KIAA1614: variants seen among roughly 807,000 people sequenced by gnomAD.
KIAA1614 encodes the protein KIAA1614.
KIAA1614 carries 76 observed loss-of-function variants against 88.7 expected under a neutral mutation model. The ratio of observed to expected loss-of-function variants is 0.86; its 90% CI spans 0.71 to 1.04. The LOEUF is 1.04. Among genes scored for constraint, KIAA1614 ranks in the 50% least tolerant of loss-of-function variants. The pLI is 0.00. For missense variants in KIAA1614, 1,553 were observed against 1,582.5 expected, an observed-to-expected ratio of 0.98 and a Z score of 0.32; for synonymous variants, 714 against 675.5, an observed-to-expected ratio of 1.06 and a Z score of -0.88.
intron 8 of KIAA1614, 56 bp from the exon 9 acceptor site, chr1:180,945,247 G>A: frequency 6.5e-7 from 1 of 1,535,954 alleles, no homozygotes; most frequent in Non-Finnish European, 8.7e-7. Context: ...CCAGGGAAGA[G>A]CTGTGCCCAG....
chr1:180,913,713 C>G (rs1024051318), intron 1 of KIAA1614: 1 of 155,734 alleles, frequency 6.4e-6, no homozygotes, highest in Admixed American at 6.5e-5. Flanking sequence ...CAACCTCGAC[C>G]TCCCGGGCTC....
chr1:180,930,519 T>C (rs1356130585), intron 4 of KIAA1614, among the ~76,000 whole-genome samples: 1 of 152,198 alleles, frequency 6.6e-6, no homozygotes, highest in Non-Finnish European at 1.5e-5. Flanking sequence ...CAAGCAACTC[T>C]CCTGTTCTAC....
In KIAA1614 at chr1:180,941,200, G is replaced by A. The variant is rs1164079808; in HGVS notation, c.3074G>A (p.Arg1025His). 6.2e-7 allele frequency: 1 copy of A among 1,613,836 alleles called. No individual in the cohort carries two copies. The highest frequency in any genetic ancestry group is 1.3e-5 in the African/African-American group (1 of 75,024). The change falls in exon 7 of 9, where the codon CGC becomes CAC. Residue 1025 changes from arginine to histidine, a missense_variant. Coordinates refer to ENST00000367588, the MANE Select transcript of KIAA1614 (RefSeq NM_020950.2). ...QSSRPKLGKS[R>H]SYSVEQLQPA... ...TCCCGGCCCAAGCTGGGCAAGTCCC[G>A]CAGCTACAGTGTGGAGCAGTTGCAG...
chr1:180,941,004 C>CGGG, intron 6 of KIAA1614, 41 bp from the exon 7 acceptor site: 9 of 915,332 alleles, frequency 9.8e-6, no homozygotes, highest in East Asian at 3.2e-5. Context: ...GCCACCCTCC[C>CGGG]GGCCCTCCCC....
At chr1:180,940,889 T>C (rs1274082384) in intron 6 of KIAA1614, among the ~76,000 whole-genome samples, 156 bp from the exon 7 acceptor site, 2 of 151,806 alleles carry the variant, frequency 1.3e-5, no homozygotes, top group East Asian at 3.9e-4. Context: ...CACTTGGCCT[T>C]TCTTTCTACA....
At chr1:180,917,746 G>A in intron 2 of KIAA1614, 105 bp from the exon 3 acceptor site, 1 of 911,320 alleles carries the variant, frequency 1.1e-6, no homozygotes, top group South Asian at 1.3e-5. Flanking sequence ...TATCTGGGGA[G>A]TAAGTTGCTT....
rs1654618422 is a variant in KIAA1614, at chr1:180,947,311, A to AG, written c.*1726dup. 6.6e-6 allele frequency: 1 copy of AG among 152,310 alleles called. No homozygotes were observed. Among genetic ancestry groups the AG allele is most frequent in the African/African-American group, 2.4e-5 (1 of 41,452 alleles). The allele number at this position is 152,310 out of a possible 1,614,324, so 9.4% of individuals were successfully genotyped here. On this transcript the variant is annotated 3_prime_UTR_variant, in exon 9 of 9. Coordinates refer to ENST00000367588, the MANE Select transcript of KIAA1614 (RefSeq NM_020950.2). ...TGCCGAATGAGATGGGAGCCACTAG[A>AG]GGGCTCGGAGCGAGCACTGAGACTC... is the stretch of plus-strand genomic sequence containing the variant.
chr1:180,935,431 G>A lies in KIAA1614; in HGVS notation c.1522G>A (p.Gly508Arg), dbSNP rs772575286. ...CGGGGCTCCCCGGCTCCGGGACGCG[G>A]GGCAGGGGACATTCCACAGGCTTGT... The part of the protein sequence containing the change: ...INGAPRLRDA[G>R]QGTFHRLVGS... The change falls in exon 5 of 9, where the codon GGG becomes AGG. Residue 508 changes from glycine (G) to arginine (R), a missense_variant. Gly to Arg is a moderately radical substitution (Grantham distance 125). Coordinates refer to ENST00000367588, the MANE Select transcript of KIAA1614 (RefSeq NM_020950.2). This position sits in a 1 kb window ranked among gnomAD's most constrained non-coding sequence, Gnocchi z 6.1. 3.4e-5 allele frequency: 51 copies of A among 1,478,334 alleles called. No individual in the cohort carries two copies. The African/African-American group carries it at 7.0e-4, about 20-fold the overall frequency. 91.6% of individuals were successfully genotyped at this position (1,478,334 alleles called of 1,614,324 possible). A position where few individuals can be genotyped will look rare whatever the true frequency, so the allele number is the denominator to read the frequency against.
intron 3 of KIAA1614, among the ~76,000 whole-genome samples, chr1:180,919,258 G>T (rs1047709416): frequency 6.6e-6 from 1 of 152,142 alleles, no homozygotes; most frequent in Non-Finnish European, 1.5e-5. Flanking sequence ...TGGAGAGGGG[G>T]ATGTCTGGCT....
chr1:180,917,704 C>G, intron 2 of KIAA1614, 147 bp from the exon 3 acceptor site: 1 of 686,044 alleles, frequency 1.5e-6, no homozygotes, highest in Non-Finnish European at 2.6e-6. Context: ...GTGACAGGCT[C>G]AGCCTCCAAT....
intron 3 of KIAA1614, among the ~76,000 whole-genome samples, chr1:180,921,381 C>T (rs1653949712): frequency 6.6e-6 from 1 of 152,170 alleles, no homozygotes; most frequent in Non-Finnish European, 1.5e-5. Context: ...ACAGGGGATA[C>T]GATGGCTTAG....
chr1:180,929,295 G>A (rs1264969137), intron 4 of KIAA1614, among the ~76,000 whole-genome samples: 2 of 152,196 alleles, frequency 1.3e-5, no homozygotes, highest in Non-Finnish European at 1.5e-5. Flanking sequence ...TTGTTGCAGG[G>A]GTGTGGGAGG....
At position 180,938,835 on chromosome 1, in the gene KIAA1614, C is replaced by T. The variant is rs1654391378; in HGVS notation, c.2918+124C>T. Reference sequence around the variant, plus strand: ...CCTGCCCCTAGTCTTCAGAGGATCCCTAGACTGTGAACAAGCCTGGCAGCC... The same window carrying T: ...CCTGCCCCTAGTCTTCAGAGGATCCTTAGACTGTGAACAAGCCTGGCAGCC... On this transcript the variant is annotated intron_variant, in intron 6 of 8. Transcript: ENST00000367588. The T allele has an allele frequency of 5.9e-6, 5 of 851,932 alleles. No individual in the cohort carries two copies. The South Asian group carries it at 7.3e-5, about 12-fold the overall frequency. 52.8% of individuals were successfully genotyped at this position (851,932 alleles called of 1,614,324 possible). A position where few individuals can be genotyped will look rare whatever the true frequency, so the allele number is the denominator to read the frequency against.
Position 180,951,273 on chromosome 1 carries a change from G to T in KIAA1614, c.*5685G>T, listed in dbSNP as rs1654721136. On this transcript the variant is annotated 3_prime_UTR_variant, in exon 9 of 9. Coordinates refer to ENST00000367588, the MANE Select transcript of KIAA1614 (RefSeq NM_020950.2). ...TGTGGTAGCCAGGATCCAGCTAGTG[G>T]GACCGGCCAGACCAGCCCCATGCCA... 6.6e-6 allele frequency: 1 copy of T among 152,260 alleles called. No homozygotes were observed. The highest frequency in any genetic ancestry group is 2.1e-4 in the South Asian group (1 of 4,822). 9.4% of individuals were successfully genotyped at this position (152,260 alleles called of 1,614,324 possible).
chr1:180,936,170 C>T lies in KIAA1614; in HGVS notation c.2261C>T (p.Thr754Met), dbSNP rs755711050. 15 of 1,614,086 alleles carry T rather than the reference C, an allele frequency of 9.3e-6. No individual in the cohort carries two copies. The highest frequency in any genetic ancestry group is 5.3e-5 in the African/African-American group (4 of 74,940). The change falls in exon 5 of 9, where the codon ACG becomes ATG. Residue 754 changes from threonine (T) to methionine (M), a missense_variant. Coordinates refer to ENST00000367588, the MANE Select transcript of KIAA1614 (RefSeq NM_020950.2). Reference sequence around the variant, plus strand: ...GCCTATGCCACCACCGCCCCCATGACGCCTGAATCATCGGGGCCAGGAGGC... The same window carrying T: ...GCCTATGCCACCACCGCCCCCATGATGCCTGAATCATCGGGGCCAGGAGGC... ...RTAYATTAPM[T>M]PESSGPGGQA...
chr1:180,945,565 G>C lies in KIAA1614; in HGVS notation c.3550G>C (p.Glu1184Gln). ...AGGCAGGGCCTTCTGGCTGTGGTCA[G>C]AGGCTTTTCTGGTCTTTGGCTGAGC... Reference protein sequence around the residue: ...KQGRAFWLWSEAFLVFG With the variant: ...KQGRAFWLWSQAFLVFG The change falls in exon 9 of 9, where the codon GAG becomes CAG. Residue 1184 changes from glutamate to glutamine, a missense_variant. Coordinates refer to ENST00000367588, the MANE Select transcript of KIAA1614 (RefSeq NM_020950.2). 1 of 1,612,684 alleles carries C rather than the reference G, an allele frequency of 6.2e-7. No individual in the cohort carries two copies. Among genetic ancestry groups the C allele is most frequent in the Admixed American group, 1.7e-5 (1 of 59,704 alleles).
In KIAA1614 at chr1:180,946,461, G is replaced by A. The variant is rs1379007267; in HGVS notation, c.*873G>A. On this transcript the variant is annotated 3_prime_UTR_variant, in exon 9 of 9. Transcript: ENST00000367588. ...CAGTTCTCAGTTCCACCCCATCCATGAGTCTTTCAGGGCAACGTGACTTGC... is the reference window on the plus strand; with the variant it reads ...CAGTTCTCAGTTCCACCCCATCCATAAGTCTTTCAGGGCAACGTGACTTGC... 6.6e-6 allele frequency: 1 copy of A among 152,206 alleles called. No individual in the cohort carries two copies. The highest frequency in any genetic ancestry group is 1.5e-5 in the Non-Finnish European group (1 of 68,068). 9.4% of individuals were successfully genotyped at this position (152,206 alleles called of 1,614,324 possible). A position where few individuals can be genotyped will look rare whatever the true frequency, so the allele number is the denominator to read the frequency against.
chr1:180,934,292 G>A (rs1018783522), intron 4 of KIAA1614, among the ~76,000 whole-genome samples: 11 of 145,660 alleles, frequency 7.6e-5, no homozygotes, highest in African/African-American at 2.6e-4. Flanking sequence ...AAAAGAAAAA[G>A]AAACCCTGAC....
In KIAA1614 at chr1:180,928,670, C is replaced by T. The variant is rs577764440; in HGVS notation, c.1205+97C>T. On this transcript the variant is annotated intron_variant, in intron 4 of 8. Transcript: ENST00000367588. The stretch of plus-strand genomic sequence containing the variant: ...GATCTAGCCAAATGCTGCTGCTGCT[C>T]GCTCCATGTGTGTGTGTGTCTGTGT... The T allele has an allele frequency of 4.6e-5, 53 of 1,144,434 alleles. No homozygotes were observed. The African/African-American group carries it at 7.7e-4, about 17-fold the overall frequency. The allele number at this position is 1,144,434 out of a possible 1,614,324, so 70.9% of individuals were successfully genotyped here. A position where few individuals can be genotyped will look rare whatever the true frequency, so the allele number is the denominator to read the frequency against.
Sources: allele counts gnomAD v4.1 joint callset (sites outside exome capture counted in the v4.1 genomes callset), GRCh38; gene constraint gnomAD v4.1.1; non-coding constraint Gnocchi (gnomAD v3.1); transcripts MANE v1.5; gene names NCBI Gene and HGNC (gene_info 2026-07-23, HGNC 2026-07-21).